The following SMAD2 variants were observed in gnomAD, a reference collection of about 807,000 sequenced individuals.
SMAD2 encodes SMAD family member 2.
A neutral mutation model predicts 64.4 loss-of-function variants in SMAD2; 8 were observed. That is an observed-to-expected ratio of 0.12 (90% CI 0.07 to 0.22). The LOEUF (loss-of-function observed/expected upper bound fraction) is 0.22, where lower values mean the gene tolerates loss of function less well. SMAD2 is among the 10% of genes least tolerant of loss of function. The pLI is 1.00. For synonymous variants in SMAD2, 203 were observed against 195.8 expected (o/e 1.04, Z -0.31); for missense variants, 289 against 561.2 (o/e 0.51, Z 4.90).
rs1462492467 is a variant in SMAD2, at chr18:47,890,083, T to C, written c.236+6438A>G. Among the ~76,000 whole-genome samples the C allele has an allele frequency of 6.6e-5, 10 of 152,170 alleles. 1 individual carries two copies. Among genetic ancestry groups the C allele is most frequent in the South Asian group, 4.1e-4 (2 of 4,830 alleles). On this transcript the variant is annotated intron_variant, in intron 2 of 10. Transcript: ENST00000262160. ...GAATATACCATATACACAAGGGACT[T>C]TGAATACCAGGTCCTGGAGCAGGAG...
chr18:47,850,223 TAA>T (rs1915002823), intron 7 of SMAD2, among the ~76,000 whole-genome samples: 1 of 61,808 alleles, frequency 1.6e-5, no homozygotes, highest in Non-Finnish European at 2.8e-5. Context: ...TATATATGTA[TAA>T]TATATATTAT....
At chr18:47,857,355 C>A (rs951610324) in intron 6 of SMAD2, among the ~76,000 whole-genome samples, 21 of 152,180 alleles carry the variant, frequency 1.4e-4, no homozygotes, top group African/African-American at 4.8e-4. Context: ...AAAACTTAAT[C>A]CCCAGTGCGA....
chr18:47,894,381 G>A (rs1159823658), intron 2 of SMAD2, among the ~76,000 whole-genome samples: 4 of 152,078 alleles, frequency 2.6e-5, no homozygotes, highest in Admixed American at 6.5e-5. Flanking sequence ...GCACTTAAAC[G>A]GCCCCAACCT....
At chr18:47,907,550 A>C (rs1430472379) in intron 1 of SMAD2, among the ~76,000 whole-genome samples, 1 of 152,188 alleles carries the variant, frequency 6.6e-6, no homozygotes, top group African/African-American at 2.4e-5. Context: ...ACGGTGACAA[A>C]AGTGTTCTCT....
intron 6 of SMAD2, among the ~76,000 whole-genome samples, chr18:47,864,081 T>C (rs976358718): frequency 6.6e-6 from 1 of 152,202 alleles, no homozygotes; most frequent in Non-Finnish European, 1.5e-5. Flanking sequence ...AAGAATATTA[T>C]TGCTTCAAGA....
Position 47,823,036 on chromosome 18 carries a change from A to G in SMAD2, c.*18791T>C, listed in dbSNP as rs1003134000. 3.3e-5 allele frequency: 5 copies of G among 152,178 alleles called. No homozygotes were observed. Among genetic ancestry groups the G allele is most frequent in the African/African-American group, 9.7e-5 (4 of 41,442 alleles). The allele number at this position is 152,178 out of a possible 1,614,324, so 9.4% of individuals were successfully genotyped here. ...CAATATGATTTGCCTAAGTTCAATAAAAATCGGCTCTCGTTATAACAGGAT... is the reference window on the plus strand; with the variant it reads ...CAATATGATTTGCCTAAGTTCAATAGAAATCGGCTCTCGTTATAACAGGAT... On this transcript the variant is annotated 3_prime_UTR_variant, in exon 11 of 11. Transcript: ENST00000262160.
intron 2 of SMAD2, among the ~76,000 whole-genome samples, chr18:47,879,134 T>C (rs759892865): frequency 5.3e-5 from 8 of 152,122 alleles, no homozygotes; most frequent in Non-Finnish European, 1.2e-4. Flanking sequence ...GAGAGAAAAA[T>C]AAAAGCTGCA....
At chr18:47,860,331 G>C (rs1330833609) in intron 6 of SMAD2, among the ~76,000 whole-genome samples, 1 of 151,998 alleles carries the variant, frequency 6.6e-6, no homozygotes, top group Admixed American at 6.6e-5. Context: ...GAGTGCAGCG[G>C]CGCAAACATG....
chr18:47,923,415 A>T (rs1220075686), intron 1 of SMAD2, among the ~76,000 whole-genome samples: 1 of 152,226 alleles, frequency 6.6e-6, no homozygotes, highest in East Asian at 1.9e-4. Context: ...ACAATGATGT[A>T]AATGTCCTTG....
intron 10 of SMAD2, among the ~76,000 whole-genome samples, chr18:47,843,609 AATG>A (rs1156980144): frequency 6.6e-6 from 1 of 152,242 alleles, no homozygotes; most frequent in Non-Finnish European, 1.5e-5. Flanking sequence ...TCAGCTCCAG[AATG>A]ATTACAGACA....
At chr18:47,878,206 A>G (rs1223983205) in intron 2 of SMAD2, 3 of 152,328 alleles carry the variant, frequency 2.0e-5, no homozygotes, top group Non-Finnish European at 4.4e-5. Flanking sequence ...GTATAATTTT[A>G]TAAGAACACA....
intron 1 of SMAD2, among the ~76,000 whole-genome samples, chr18:47,929,423 T>C (rs2034906275): frequency 6.6e-6 from 1 of 152,232 alleles, no homozygotes; most frequent in Non-Finnish European, 1.5e-5. Context: ...TCAAAGACCA[T>C]TTCTAAAAAG....
At chr18:47,888,639 A>C (rs2033035658) in intron 2 of SMAD2, among the ~76,000 whole-genome samples, 1 of 152,208 alleles carries the variant, frequency 6.6e-6, no homozygotes, top group Non-Finnish European at 1.5e-5. Flanking sequence ...GTCTAGCCCC[A>C]CCCAGCTCAA....
At position 47,847,700 on chromosome 18, in the gene SMAD2, CAAAAA is replaced by C. The variant is rs58794971; in HGVS notation, c.997+770_997+774del. On this transcript the variant is annotated intron_variant, in intron 8 of 10. Coordinates refer to ENST00000262160, the MANE Select transcript of SMAD2 (RefSeq NM_005901.6). ...ATGAAAAACAACTATATTTCCAAAG[CAAAAA>C]AAAAAAAAAAAAAAAATAGAGTGGC... Among the ~76,000 whole-genome samples the C allele has an allele frequency of 2.3e-3, 257 of 111,880 alleles. 1 individual carries two copies. Among genetic ancestry groups the C allele is most frequent in the African/African-American group, 8.5e-3 (229 of 27,064 alleles). 73.4% of individuals were successfully genotyped at this position (111,880 alleles called of 152,430 possible). A position where few individuals can be genotyped will look rare whatever the true frequency, so the allele number is the denominator to read the frequency against.
intron 1 of SMAD2, among the ~76,000 whole-genome samples, chr18:47,925,001 C>A (rs8085805): frequency 0.019 from 2,850 of 152,280 alleles, 103 homozygotes; most frequent in African/African-American, 0.065. Flanking sequence ...AGATGGAATA[C>A]CAGTGGTTCA....
At chr18:47,922,011 C>T (rs973527275) in intron 1 of SMAD2, among the ~76,000 whole-genome samples, 4 of 152,030 alleles carry the variant, frequency 2.6e-5, no homozygotes, top group Non-Finnish European at 5.9e-5. Flanking sequence ...ACAGTTCATC[C>T]GGAAGGCCAG....
chr18:47,848,492 A>G lies in SMAD2; in HGVS notation c.980T>C (p.Met327Thr). ...SNVNRNATVE[M>T]TRRHIGRGVR... Reference sequence around the variant, plus strand: ...AAACATACCTATATGCCTTCTTGTCATTTCTACCGTGGCATTTCGGTTAAC... The same window carrying G: ...AAACATACCTATATGCCTTCTTGTCGTTTCTACCGTGGCATTTCGGTTAAC... Residue 327 changes from methionine to threonine, a missense_variant, in exon 8 of 11, where the codon ATG becomes ACG. Coordinates refer to ENST00000262160, the MANE Select transcript of SMAD2 (RefSeq NM_005901.6). 3 of 1,612,952 alleles carry G rather than the reference A, an allele frequency of 1.9e-6. No individual in the cohort carries two copies. Among genetic ancestry groups the G allele is most frequent in the Non-Finnish European group, 2.5e-6 (3 of 1,178,938 alleles).
chr18:47,872,350 C>T (rs1281223665), intron 2 of SMAD2, among the ~76,000 whole-genome samples: 6 of 151,928 alleles, frequency 3.9e-5, no homozygotes, highest in African/African-American at 1.5e-4. Flanking sequence ...TCCAAGGGTT[C>T]CACATCCTTG....
chr18:47,861,024 G>A (rs959953935), intron 6 of SMAD2, among the ~76,000 whole-genome samples: 6 of 151,958 alleles, frequency 3.9e-5, no homozygotes, highest in African/African-American at 1.5e-4. Flanking sequence ...TCTTAGTTAG[G>A]ACAGAAAAAG....
Sources: gnomAD v4.1 joint callset for allele counts (sites outside exome capture counted in the v4.1 genomes callset) on GRCh38, gnomAD v4.1.1 for gene constraint, MANE v1.5 for transcripts, NCBI Gene and HGNC (gene_info 2026-07-23, HGNC 2026-07-21) for gene names.